The following NEK9 variants were observed in gnomAD, a reference collection of about 807,000 sequenced individuals.
NEK9 encodes the protein NIMA related kinase 9, also known as serine/threonine-protein kinase Nek9.
A neutral mutation model predicts 123.4 loss-of-function variants in NEK9; 75 were observed. The observed-to-expected ratio is 0.61, with a 90% CI of 0.50 to 0.74. The LOEUF (loss-of-function observed/expected upper bound fraction) is 0.74. NEK9 is among the 30% of genes least tolerant of loss of function. The pLI, the probability that NEK9 is intolerant of heterozygous loss-of-function variation, is 0.00. For missense variants in NEK9, 952 were observed against 1,214.4 expected, an observed-to-expected ratio of 0.78 and a Z score of 3.21; for synonymous variants, 438 against 458.7, an observed-to-expected ratio of 0.95 and a Z score of 0.58.
rs1893883865 is a variant in NEK9 at position 75,082,138 on chromosome 14, T to G, written c.*2426A>C. 1 of 152,330 alleles carries G rather than the reference T, an allele frequency of 6.6e-6. No homozygotes were observed. The highest frequency in any genetic ancestry group is 2.1e-4 in the South Asian group (1 of 4,824). 9.4% of individuals were successfully genotyped at this position (152,330 alleles called of 1,614,324 possible). On this transcript the variant is annotated 3_prime_UTR_variant, in exon 22 of 22. Transcript: ENST00000238616. ...AGTACTGATTAAGAGCTTAAATGTT[T>G]ATTTAAAACAGAAATGCCAAACCAC...
Position 75,083,448 on chromosome 14 carries a change from C to T in NEK9, c.*1116G>A, listed in dbSNP as rs2139702328. ...TGCAAGTTCTACCTGTTCTGTTAGG[C>T]TTCAGGGACTCCCAGGGTTTGGTGC... On this transcript the variant is annotated 3_prime_UTR_variant, in exon 22 of 22. Transcript: ENST00000238616. 1 of 189,864 alleles carries T rather than the reference C, an allele frequency of 5.3e-6. No individual in the cohort carries two copies. The highest frequency in any genetic ancestry group is 1.1e-5 in the Non-Finnish European group (1 of 93,316). 11.8% of individuals were successfully genotyped at this position (189,864 alleles called of 1,614,324 possible).
At chr14:75,089,376 TACC>T (rs1894134313) in intron 19 of NEK9, among the ~76,000 whole-genome samples, 1 of 151,870 alleles carries the variant, frequency 6.6e-6, no homozygotes, top group Non-Finnish European at 1.5e-5. Context: ...TACAAGCGTG[TACC>T]ACCACAACTG....
intron 7 of NEK9, among the ~76,000 whole-genome samples, chr14:75,113,851 T>C (rs1355294938): frequency 6.6e-6 from 1 of 152,148 alleles, no homozygotes; most frequent in Non-Finnish European, 1.5e-5. Flanking sequence ...AAGGGAACCA[T>C]GAGATATGAG....
chr14:75,124,582 T>TG (rs1457645283), intron 1 of NEK9, among the ~76,000 whole-genome samples: 1 of 152,114 alleles, frequency 6.6e-6, no homozygotes, highest in African/African-American at 2.4e-5. Context: ...AGCAGAGAAC[T>TG]GGGGAGCAAT....
At chr14:75,088,809 C>T (rs967954950) in intron 19 of NEK9, among the ~76,000 whole-genome samples, 168 bp from the exon 20 acceptor site, 1 of 152,168 alleles carries the variant, frequency 6.6e-6, no homozygotes, top group Admixed American at 6.5e-5. Context: ...AAAACTGCCA[C>T]CCCTTCATCA....
chr14:75,086,678 C>T (rs113267260), intron 21 of NEK9: 298 of 241,122 alleles, frequency 1.2e-3, no homozygotes, highest in African/African-American at 5.7e-3. Context: ...GAGGCTGAGG[C>T]GGGTGGATCA....
At position 75,087,140 on chromosome 14, in the gene NEK9, C is replaced by T. The variant is rs771710563; in HGVS notation, c.2695G>A (p.Val899Ile). Residue 899 changes from valine (V) to isoleucine (I), a missense_variant, in exon 21 of 22, where the codon GTT becomes ATT. Val to Ile is a conservative substitution (Grantham distance 29). This residue lies in a region of NEK9 where 698 missense variants were observed against 875.6 expected (regional missense o/e 0.80). Coordinates refer to ENST00000238616, the MANE Select transcript of NEK9 (RefSeq NM_033116.6). ...AACACCAGACCCTGCAATCTCTCAA[C>T]CTCCACCTGCAGAGAGCTGCACGCA... ...ACACSSLQVE[V>I]ERLQGLVLKC... The T allele has an allele frequency of 1.2e-6, 2 of 1,614,168 alleles. No individual in the cohort carries two copies. The highest frequency in any genetic ancestry group is 1.7e-6 in the Non-Finnish European group (2 of 1,180,042).
chr14:75,110,260 G>C lies in NEK9; in HGVS notation c.989+61C>G, dbSNP rs1894916128. On this transcript the variant is annotated intron_variant, in intron 9 of 21. Transcript: ENST00000238616. ...CGGATCAAATAATGCCTACACTCAAGAAAGAACCCCCTGGTTGTAATTTCG... is the reference window on the plus strand; with the variant it reads ...CGGATCAAATAATGCCTACACTCAACAAAGAACCCCCTGGTTGTAATTTCG... The C allele has an allele frequency of 3.0e-6, 4 of 1,338,954 alleles. No individual in the cohort carries two copies. In the South Asian group the frequency reaches 4.9e-5, roughly 16 times the overall value. 82.9% of individuals were successfully genotyped at this position (1,338,954 alleles called of 1,614,324 possible).
At chr14:75,086,276 G>A (rs190587356) in intron 21 of NEK9, among the ~76,000 whole-genome samples, 1 of 151,668 alleles carries the variant, frequency 6.6e-6, no homozygotes, top group Non-Finnish European at 1.5e-5. Context: ...TAGATGAAAA[G>A]AAATGAGACA....
rs1893917149 is a variant in NEK9 at position 75,083,166 on chromosome 14, TG to T, written c.*1397del. 2 of 398,528 alleles carry T rather than the reference TG, an allele frequency of 5.0e-6. No individual in the cohort carries two copies. The highest frequency in any genetic ancestry group is 8.8e-6 in the Non-Finnish European group (2 of 226,048). 24.7% of individuals were successfully genotyped at this position (398,528 alleles called of 1,614,324 possible). A position where few individuals can be genotyped will look rare whatever the true frequency, so the allele number is the denominator to read the frequency against. On this transcript the variant is annotated 3_prime_UTR_variant, in exon 22 of 22. Coordinates refer to ENST00000238616, the MANE Select transcript of NEK9 (RefSeq NM_033116.6). ...GAAGATGAAACAAAATTAATTTAGC[TG>T]TTTATAGGAAGGTGGGATGTGAGAC...
Position 75,088,447 on chromosome 14 carries a change from T to C in NEK9, c.2604+33A>G, listed in dbSNP as rs911571957. ...GCAGAGCTTGCAGTGACTGTTTACC[T>C]AGTTGTGATTCAAAGGCAAAAAGCT... On this transcript the variant is annotated intron_variant, in intron 20 of 21. Transcript: ENST00000238616. 6 of 1,607,728 alleles carry C rather than the reference T, an allele frequency of 3.7e-6. No individual in the cohort carries two copies. The African/African-American group carries it at 5.4e-5, about 14-fold the overall frequency.
In NEK9 at chr14:75,124,190, A is replaced by G; in HGVS notation, c.253T>C (p.Leu85=). ...CGTTCCTTCTCAGACAGCCGGGTCA[A>G]ATCGACTTCCTTCCACACAACCAGT... is the stretch of plus-strand genomic sequence containing the variant. ...DSLVVWKEVD[L]TRLSEKERRD... The change falls in exon 2 of 22, where the codon TTG becomes CTG. Residue 85 remains leucine, a synonymous_variant. Coordinates refer to ENST00000238616, the MANE Select transcript of NEK9 (RefSeq NM_033116.6). 5 of 1,614,054 alleles carry G rather than the reference A, an allele frequency of 3.1e-6. No homozygotes were observed. Among genetic ancestry groups the G allele is most frequent in the Non-Finnish European group, 4.2e-6 (5 of 1,179,926 alleles).
intron 21 of NEK9, 85 bp from the exon 22 acceptor site, chr14:75,084,771 T>C: frequency 6.5e-7 from 1 of 1,544,142 alleles, no homozygotes; most frequent in Non-Finnish European, 8.9e-7. Flanking sequence ...CAATGCCAAC[T>C]TCTAAGGCAT....
chr14:75,102,541 A>G (rs932617577), intron 14 of NEK9, among the ~76,000 whole-genome samples: 3 of 150,746 alleles, frequency 2.0e-5, no homozygotes, highest in Admixed American at 6.6e-5. Flanking sequence ...TTTAGTGGAG[A>G]CAGGGTTTCA....
chr14:75,101,730 G>C lies in NEK9; in HGVS notation c.1767C>G (p.Thr589=). 6.2e-7 allele frequency: 1 copy of C among 1,614,004 alleles called. No homozygotes were observed. Among genetic ancestry groups the C allele is most frequent in the Non-Finnish European group, 8.5e-7 (1 of 1,179,892 alleles). The change falls in exon 15 of 22, where the codon ACC becomes ACG. Residue 589 remains threonine, a synonymous_variant. Coordinates refer to ENST00000238616, the MANE Select transcript of NEK9 (RefSeq NM_033116.6). ...YHEVPYTTSF[T]LAKQLSFYKI... ...TATAAAAGGACAACTGTTTGGCCAA[G>C]GTAAAGGACGTTGTGTAGGGAACTT...
At chr14:75,096,197 C>G (rs10148504) in intron 17 of NEK9, among the ~76,000 whole-genome samples, 1 of 149,058 alleles carries the variant, frequency 6.7e-6, no homozygotes, top group African/African-American at 2.5e-5. Flanking sequence ...GCAGGAGAAT[C>G]GCTTGAACCT....
In NEK9 at chr14:75,103,873, T is replaced by C. The variant is rs754450392; in HGVS notation, c.1700A>G (p.Asn567Ser). 1.2e-6 allele frequency: 2 copies of C among 1,613,944 alleles called. No individual in the cohort carries two copies. Among genetic ancestry groups the C allele is most frequent in the Middle Eastern group, 1.7e-4 (1 of 6,060 alleles). Residue 567 changes from asparagine (N) to serine (S), a missense_variant, in exon 14 of 22, where the codon AAT becomes AGT. By Grantham distance (46) the Asn-to-Ser change is conservative. Coordinates refer to ENST00000238616, the MANE Select transcript of NEK9 (RefSeq NM_033116.6). ...GTTGATAATTCCCGACATGCACTGA[T>C]TCAGACCCAGCTTATTGAATTCATT... ...GLNEFNKLGL[N>S]QCMSGIINHE...
At chr14:75,108,563 T>TA (rs1566652808) in intron 10 of NEK9, among the ~76,000 whole-genome samples, 13 of 147,258 alleles carry the variant, frequency 8.8e-5, no homozygotes, top group African/African-American at 2.5e-4. Context: ...ATATATATAT[T>TA]TTTTTTTTTG....
rs1243371491 is a variant in NEK9, at chr14:75,113,327, T to G, written c.938+12A>C. On this transcript the variant is annotated intron_variant, in intron 8 of 21. Transcript: ENST00000238616. ...TCAGAAAAGACAATGGAGTGACTTCTTCATAATTTACCTCCTGCGTTTCCT... is the reference window on the plus strand; with the variant it reads ...TCAGAAAAGACAATGGAGTGACTTCGTCATAATTTACCTCCTGCGTTTCCT... 6.2e-7 allele frequency: 1 copy of G among 1,606,780 alleles called. No homozygotes were observed. Among genetic ancestry groups the G allele is most frequent in the Admixed American group, 1.7e-5 (1 of 59,938 alleles).
Sources: allele counts gnomAD v4.1 joint callset (sites outside exome capture counted in the v4.1 genomes callset), GRCh38; gene constraint gnomAD v4.1.1; regional missense constraint gnomAD v4.1.1; transcripts MANE v1.5; gene names NCBI Gene and HGNC (gene_info 2026-07-23, HGNC 2026-07-21).